Variants in RSU1 observed in about 807,000 individuals in gnomAD.
RSU1 encodes Ras suppressor protein 1, also known as rsu-1.
A neutral mutation model predicts 31.1 loss-of-function variants in RSU1; 26 were observed. The ratio of observed to expected loss-of-function variants is 0.84; its 90% confidence interval spans 0.61 to 1.16. The LOEUF (loss-of-function observed/expected upper bound fraction) is 1.16, where lower values mean the gene tolerates loss of function less well. Ranked by LOEUF, RSU1 falls within the 50% of genes most tolerant of loss-of-function variation. The probability of loss-of-function intolerance (pLI) is 0.00; values close to 1 mark genes in which losing one functional copy is unlikely to be tolerated. For synonymous variants in RSU1, 164 were observed against 136.3 expected (o/e 1.20, Z -1.41); for missense variants, 320 against 339.1 (o/e 0.94, Z 0.44).
chr10:16,805,202 A>G (rs1244050087), intron 2 of RSU1, among the ~76,000 whole-genome samples: 1 of 151,606 alleles, frequency 6.6e-6, no homozygotes, highest in Non-Finnish European at 1.5e-5. Context: ...GTGAGACTCC[A>G]TCTCAAATAA....
intron 8 of RSU1, among the ~76,000 whole-genome samples, chr10:16,603,659 G>T (rs934300068): frequency 2.6e-5 from 4 of 152,178 alleles, no homozygotes; most frequent in Non-Finnish European, 5.9e-5. Context: ...GCTAAATGTT[G>T]CAATTTCCAG....
intron 8 of RSU1, among the ~76,000 whole-genome samples, chr10:16,673,787 G>A (rs992658155): frequency 2.0e-5 from 3 of 152,156 alleles, no homozygotes; most frequent in Non-Finnish European, 4.4e-5. Flanking sequence ...CTTTATGCTC[G>A]CTTCTGCCTA....
intron 7 of RSU1, among the ~76,000 whole-genome samples, chr10:16,745,731 A>C (rs1223176042): frequency 6.6e-6 from 1 of 152,232 alleles, no homozygotes; most frequent in African/African-American, 2.4e-5. Context: ...ACACAGAGCC[A>C]CATCATATCA....
chr10:16,726,022 T>C (rs940128447), intron 7 of RSU1, among the ~76,000 whole-genome samples: 1 of 151,754 alleles, frequency 6.6e-6, no homozygotes, highest in African/African-American at 2.4e-5. Flanking sequence ...CATATGCACG[T>C]ATATATGTGT....
At chr10:16,737,315 G>C (rs1230922138) in intron 7 of RSU1, among the ~76,000 whole-genome samples, 2 of 151,908 alleles carry the variant, frequency 1.3e-5, no homozygotes, top group African/African-American at 4.8e-5. Context: ...TAAAGAACAT[G>C]TTACATGAGA....
At chr10:16,745,151 A>G (rs1836825294) in intron 7 of RSU1, among the ~76,000 whole-genome samples, 1 of 152,198 alleles carries the variant, frequency 6.6e-6, no homozygotes, top group Admixed American at 6.5e-5. Context: ...GCTGGTCTCT[A>G]AACAGTCAAA....
At chr10:16,770,540 A>G (rs977486590) in intron 3 of RSU1, among the ~76,000 whole-genome samples, 25 of 152,294 alleles carry the variant, frequency 1.6e-4, no homozygotes, top group African/African-American at 5.8e-4. Context: ...CACTACACCC[A>G]ACTGTTTTTG....
chr10:16,657,093 G>T (rs1442458586), intron 8 of RSU1, among the ~76,000 whole-genome samples: 1 of 152,196 alleles, frequency 6.6e-6, no homozygotes, highest in Non-Finnish European at 1.5e-5. Context: ...AAATATGAAT[G>T]ACACATGCAC....
intron 8 of RSU1, among the ~76,000 whole-genome samples, chr10:16,615,738 C>A (rs1292192311): frequency 2.0e-5 from 3 of 152,192 alleles, no homozygotes; most frequent in African/African-American, 7.2e-5. Flanking sequence ...CAAAACTGCA[C>A]AACTACATGG....
chr10:16,649,682 T>A (rs2131512931), intron 8 of RSU1, among the ~76,000 whole-genome samples: 1 of 152,232 alleles, frequency 6.6e-6, no homozygotes, highest in East Asian at 1.9e-4. Flanking sequence ...AACTATTTAC[T>A]GAATTTAGTA....
chr10:16,817,129 CA>C, intron 1 of RSU1, 45 bp from the exon 2 acceptor site: 2 of 1,427,090 alleles, frequency 1.4e-6, no homozygotes, highest in Middle Eastern at 1.8e-4. Context: ...ACAGCAAGCG[CA>C]GAGGCGGAAA....
chr10:16,768,989 A>G (rs1308850518), intron 3 of RSU1, among the ~76,000 whole-genome samples: 2 of 152,208 alleles, frequency 1.3e-5, no homozygotes, highest in Non-Finnish European at 2.9e-5. Flanking sequence ...ATCTACGGCC[A>G]TCGGTAATAC....
chr10:16,742,273 T>C (rs951140733), intron 7 of RSU1, among the ~76,000 whole-genome samples: 2 of 152,188 alleles, frequency 1.3e-5, no homozygotes, highest in African/African-American at 4.8e-5. Flanking sequence ...CAGTTGAAAA[T>C]GTGAAGAATT....
At chr10:16,716,194 G>C (rs959856251) in intron 7 of RSU1, among the ~76,000 whole-genome samples, 1 of 152,214 alleles carries the variant, frequency 6.6e-6, no homozygotes, top group Non-Finnish European at 1.5e-5. Context: ...AACGGGTCTA[G>C]ATAGGGCATC....
intron 8 of RSU1, among the ~76,000 whole-genome samples, chr10:16,630,861 C>A (rs967686270): frequency 6.6e-6 from 1 of 152,184 alleles, no homozygotes; most frequent in African/African-American, 2.4e-5. Flanking sequence ...TTTTGCTTTA[C>A]ATAGAAATAG....
At chr10:16,672,418 G>T (rs1422417570) in intron 8 of RSU1, among the ~76,000 whole-genome samples, 1 of 152,148 alleles carries the variant, frequency 6.6e-6, no homozygotes, top group African/African-American at 2.4e-5. Context: ...TTACACAAAA[G>T]CTCACAGCAG....
At position 16,590,804 on chromosome 10, in the gene RSU1, A is replaced by G; in HGVS notation, c.*2590T>C. 6.6e-6 allele frequency: 1 copy of G among 152,212 alleles called. No homozygotes were observed. Among genetic ancestry groups the G allele is most frequent in the East Asian group, 1.9e-4 (1 of 5,206 alleles). The allele number at this position is 152,212 out of a possible 1,614,324, so 9.4% of individuals were successfully genotyped here. On this transcript the variant is annotated 3_prime_UTR_variant, in exon 9 of 9. Coordinates refer to ENST00000345264, the MANE Select transcript of RSU1 (RefSeq NM_012425.4). ...TTTTTATGCACACGTATTACAAACA[A>G]GCTTCCTTTTGACACAGCTGGGACC...
At chr10:16,646,065 C>T (rs201429127) in intron 8 of RSU1, among the ~76,000 whole-genome samples, 16,762 of 37,718 alleles carry the variant, frequency 0.44, 4,587 homozygotes, top group Admixed American at 0.59. Context: ...TATATATACA[C>T]ACACACACAC....
chr10:16,684,000 A>G (rs747269731), intron 8 of RSU1, among the ~76,000 whole-genome samples: 1 of 152,244 alleles, frequency 6.6e-6, no homozygotes, highest in Non-Finnish European at 1.5e-5. Context: ...TGTGGAGACC[A>G]AGATTCTTGA....
Sources: allele counts gnomAD v4.1 joint callset (sites outside exome capture counted in the v4.1 genomes callset), GRCh38; gene constraint gnomAD v4.1.1; transcripts MANE v1.5; gene names NCBI Gene and HGNC (gene_info 2026-07-23, HGNC 2026-07-21).